Variants in RCOR1 observed in about 807,000 individuals in gnomAD.
RCOR1 encodes the protein REST corepressor 1.
Under a neutral mutation model 64.0 loss-of-function variants are expected in RCOR1, and 12 were observed. The observed-to-expected ratio is 0.19, with a 90% CI of 0.12 to 0.30. The LOEUF is 0.30. Among genes scored for constraint, RCOR1 ranks in the 10% least tolerant of loss-of-function variants. The pLI, the probability that RCOR1 is intolerant of heterozygous loss-of-function variation, is 1.00. For synonymous variants in RCOR1, 279 were observed against 227.2 expected (o/e 1.23, Z -2.05); for missense variants, 502 against 621.2 (o/e 0.81, Z 2.04).
At chr14:102,658,251 A>C (rs1189560794) in intron 2 of RCOR1, among the ~76,000 whole-genome samples, 3 of 152,144 alleles carry the variant, frequency 2.0e-5, no homozygotes, top group Non-Finnish European at 2.9e-5. Context: ...TTGGGGTTAC[A>C]GGTGTGAGCC....
intron 2 of RCOR1, among the ~76,000 whole-genome samples, chr14:102,602,617 A>G (rs1893427335): frequency 6.6e-6 from 1 of 152,078 alleles, no homozygotes; most frequent in African/African-American, 2.4e-5. Context: ...CATGCTGGCC[A>G]GGCCGGTTTT....
chr14:102,606,332 G>C (rs955886336), intron 2 of RCOR1, among the ~76,000 whole-genome samples: 13 of 152,278 alleles, frequency 8.5e-5, no homozygotes, highest in Middle Eastern at 3.4e-3. Flanking sequence ...ACAGTGCTGG[G>C]ATTACAGGTG....
At chr14:102,628,758 TG>T (rs1417616387) in intron 2 of RCOR1, among the ~76,000 whole-genome samples, 1 of 152,200 alleles carries the variant, frequency 6.6e-6, no homozygotes, top group Non-Finnish European at 1.5e-5. Flanking sequence ...TCCACCAAGT[TG>T]GCCAGGCTAG....
At chr14:102,608,112 T>C (rs571589470) in intron 2 of RCOR1, among the ~76,000 whole-genome samples, 1 of 152,140 alleles carries the variant, frequency 6.6e-6, no homozygotes, top group African/African-American at 2.4e-5. Flanking sequence ...TGGCATTCAG[T>C]GCACTCGCAT....
intron 8 of RCOR1, among the ~76,000 whole-genome samples, chr14:102,718,416 C>G (rs117279102): frequency 6.6e-6 from 1 of 152,184 alleles, no homozygotes; most frequent in Non-Finnish European, 1.5e-5. Context: ...CATCATCAAC[C>G]TCTACCAGCG....
At chr14:102,644,659 C>G (rs1005785334) in intron 2 of RCOR1, among the ~76,000 whole-genome samples, 1 of 152,182 alleles carries the variant, frequency 6.6e-6, no homozygotes, top group Non-Finnish European at 1.5e-5. Flanking sequence ...TAGAGCTGAA[C>G]TCATGTGACG....
chr14:102,671,039 G>A (rs887121476), intron 2 of RCOR1, among the ~76,000 whole-genome samples: 16 of 152,166 alleles, frequency 1.1e-4, no homozygotes, highest in African/African-American at 3.9e-4. Context: ...CTCCCAAAGT[G>A]CTGGGATTGC....
At chr14:102,708,436 A>T in intron 5 of RCOR1, 29 bp from the exon 6 acceptor site, 2 of 1,239,798 alleles carry the variant, frequency 1.6e-6, no homozygotes, top group Non-Finnish European at 2.4e-6. Context: ...TTTTTTATTT[A>T]AATAAACCAA....
intron 11 of RCOR1, among the ~76,000 whole-genome samples, chr14:102,724,458 A>C (rs1014182094): frequency 6.6e-6 from 1 of 151,698 alleles, no homozygotes; most frequent in African/African-American, 2.4e-5. Context: ...CAGCCTCCCT[A>C]GTAGCTGGGA....
chr14:102,632,862 A>G (rs1357338748), intron 2 of RCOR1, among the ~76,000 whole-genome samples: 1 of 148,806 alleles, frequency 6.7e-6, no homozygotes, highest in African/African-American at 2.5e-5. Context: ...ACCTAGACTG[A>G]GTGCAGTGAA....
At chr14:102,622,065 T>G (rs1893886226) in intron 2 of RCOR1, among the ~76,000 whole-genome samples, 1 of 152,214 alleles carries the variant, frequency 6.6e-6, no homozygotes, top group African/African-American at 2.4e-5. Context: ...TAACATTTTG[T>G]TTTATTTGAT....
chr14:102,627,755 T>C (rs1828561285), intron 2 of RCOR1, among the ~76,000 whole-genome samples: 2 of 152,098 alleles, frequency 1.3e-5, no homozygotes. Context: ...TTTTACACAT[T>C]TCATTCAGGC....
At chr14:102,627,933 G>C (rs931984334) in intron 2 of RCOR1, among the ~76,000 whole-genome samples, 3 of 146,382 alleles carry the variant, frequency 2.0e-5, no homozygotes, top group East Asian at 2.0e-4. Flanking sequence ...ATGTATGAAG[G>C]GTTTATATAT....
rs201549580 is a variant in RCOR1 at position 102,656,129 on chromosome 14, A to AT, written c.362-25759dup. On this transcript the variant is annotated intron_variant, in intron 2 of 11. Transcript: ENST00000262241. ...CATTCTTTGAAATCACTTTGCTGAG[A>AT]TTTTTTTATTTTTTTTATTTTTTTT... 2.3e-3 allele frequency: 2,270 copies of AT among 978,948 alleles called. 44 individuals carry two copies. In the African/African-American group the frequency reaches 0.037, roughly 16 times the overall value. 60.6% of individuals were successfully genotyped at this position (978,948 alleles called of 1,614,324 possible).
At chr14:102,616,848 G>C (rs1408805852) in intron 2 of RCOR1, among the ~76,000 whole-genome samples, 1 of 152,080 alleles carries the variant, frequency 6.6e-6, no homozygotes, top group Non-Finnish European at 1.5e-5. Context: ...AAATCTTTTG[G>C]CCATTGGTGA....
chr14:102,730,414 A>T lies in RCOR1; in HGVS notation c.*3908A>T, dbSNP rs542090800. 1 of 162,404 alleles carries T rather than the reference A, an allele frequency of 6.2e-6. No homozygotes were observed. The highest frequency in any genetic ancestry group is 2.4e-5 in the African/African-American group (1 of 41,962). 10.1% of individuals were successfully genotyped at this position (162,404 alleles called of 1,614,324 possible). The stretch of plus-strand genomic sequence containing the variant: ...AGCACATTCATTGTGGTGAATGTTC[A>T]TAGCATTATAACTGCTTAGCCATTG... On this transcript the variant is annotated 3_prime_UTR_variant, in exon 12 of 12. Coordinates refer to ENST00000262241, the MANE Select transcript of RCOR1 (RefSeq NM_015156.4).
intron 3 of RCOR1, among the ~76,000 whole-genome samples, chr14:102,691,874 T>C (rs1265074123): frequency 6.6e-6 from 1 of 152,248 alleles, no homozygotes; most frequent in Non-Finnish European, 1.5e-5. Context: ...ATTACAAATA[T>C]TACTGCTGGG....
chr14:102,654,279 G>A (rs1261348720), intron 2 of RCOR1, among the ~76,000 whole-genome samples: 1 of 151,836 alleles, frequency 6.6e-6, no homozygotes, highest in Non-Finnish European at 1.5e-5. Flanking sequence ...GAGCCATTGC[G>A]CCCGGCCAGG....
intron 2 of RCOR1, among the ~76,000 whole-genome samples, chr14:102,636,725 T>C (rs1395918186): frequency 6.6e-6 from 1 of 152,030 alleles, no homozygotes; most frequent in African/African-American, 2.4e-5. Context: ...ATCCCAGCCC[T>C]TTTTGGGGCC....
Sources: gnomAD v4.1 joint callset for allele counts (sites outside exome capture counted in the v4.1 genomes callset) on GRCh38, gnomAD v4.1.1 for gene constraint, MANE v1.5 for transcripts, NCBI Gene and HGNC (gene_info 2026-07-23, HGNC 2026-07-21) for gene names.